TGS1: variants seen among roughly 807,000 people sequenced by gnomAD.
TGS1 encodes trimethylguanosine synthase 1.
In TGS1, 69 loss-of-function variants were observed where a neutral mutation model predicts 92.2. The ratio of observed to expected loss-of-function variants is 0.75; its 90% CI spans 0.62 to 0.91. The LOEUF (loss-of-function observed/expected upper bound fraction) is 0.91, where lower values mean the gene tolerates loss of function less well. Among genes scored for constraint, TGS1 ranks in the 40% least tolerant of loss-of-function variants. TGS1 has a pLI of 0.00. For missense variants in TGS1, 1,062 were observed against 1,001.2 expected (o/e 1.06, Z -0.82); for synonymous variants, 345 against 338.1 (o/e 1.02, Z -0.22).
Position 55,786,423 on chromosome 8 carries a change from A to C in TGS1, c.525A>C (p.Lys175Asn). Residue 175 changes from lysine to asparagine, a missense_variant, in exon 4 of 13, where the codon AAA becomes AAC. Coordinates refer to ENST00000260129, the MANE Select transcript of TGS1 (RefSeq NM_024831.8). The stretch of plus-strand genomic sequence containing the variant: ...GAACATATGAACTTCAAAGCAAAAA[A>C]GATACTGAGACAGAAAATCCTCCAG... ...NTRTYELQSK[K>N]DTETENPPVE... is the part of the protein sequence containing the mutation. 6.2e-7 allele frequency: 1 copy of C among 1,613,484 alleles called. No individual in the cohort carries two copies. Among genetic ancestry groups the C allele is most frequent in the Non-Finnish European group, 8.5e-7 (1 of 1,179,868 alleles).
chr8:55,802,449 T>C lies in TGS1; in HGVS notation c.1850-8T>C, dbSNP rs773768467. On this transcript the variant is annotated splice_polypyrimidine_tract_variant and splice_region_variant and intron_variant, in intron 8 of 12. Transcript: ENST00000260129. The stretch of plus-strand genomic sequence containing the variant: ...GTGAGCATCTATATTCTTTGTATTT[T>C]ATTTTAGCTGAAGTGAAAAAGAAGA... 1.3e-5 allele frequency: 21 copies of C among 1,611,256 alleles called. No individual in the cohort carries two copies. Among genetic ancestry groups the C allele is most frequent in the Non-Finnish European group, 1.8e-5 (21 of 1,178,590 alleles).
Position 55,786,257 on chromosome 8 carries a change from ATAAAGT to A in TGS1, c.364_369del (p.Val122_Lys123del), listed in dbSNP as rs756152885. The A allele has an allele frequency of 7.0e-6, 10 of 1,434,660 alleles. No individual in the cohort carries two copies. In the South Asian group the frequency reaches 9.2e-5, roughly 13 times the overall value. 88.9% of individuals were successfully genotyped at this position (1,434,660 alleles called of 1,614,324 possible). A position where few individuals can be genotyped will look rare whatever the true frequency, so the allele number is the denominator to read the frequency against. On this transcript the variant is annotated inframe_deletion, in exon 4 of 13. Coordinates refer to ENST00000260129, the MANE Select transcript of TGS1 (RefSeq NM_024831.8). ...ATATAGGTATCTATGAATACTAGAA[ATAAAGT>A]TAAAATAAAAAAGAAAAAACATCAA...
At chr8:55,805,366 A>G (rs981996386) in intron 10 of TGS1, among the ~76,000 whole-genome samples, 2 of 152,240 alleles carry the variant, frequency 1.3e-5, no homozygotes, top group Non-Finnish European at 2.9e-5. Flanking sequence ...TAACCTAGAT[A>G]CATCGAAATA....
intron 5 of TGS1, among the ~76,000 whole-genome samples, chr8:55,792,307 A>G (rs969257263): frequency 1.3e-5 from 2 of 152,116 alleles, no homozygotes; most frequent in East Asian, 3.8e-4. Flanking sequence ...TTGTATTGAT[A>G]CTTATCAAAC....
At chr8:55,800,230 C>G (rs964232535) in intron 8 of TGS1, among the ~76,000 whole-genome samples, 12 of 151,954 alleles carry the variant, frequency 7.9e-5, no homozygotes, top group Admixed American at 2.0e-4. Context: ...AAACAGCATA[C>G]CTACAGTAGT....
rs149461987 is a variant in TGS1 at position 55,786,345 on chromosome 8, C to A, written c.447C>A (p.Asp149Glu). ...QESWRKEYEE[D>E]DILASDDPSS... is the part of the protein sequence containing the mutation. ...CTTGGAGAAAAGAATATGAAGAAGA[C>A]GACATTTTGGCTTCAGATGATCCAT... The change falls in exon 4 of 13, where the codon GAC becomes GAA. Residue 149 changes from aspartate (D) to glutamate (E), a missense_variant. Coordinates refer to ENST00000260129, the MANE Select transcript of TGS1 (RefSeq NM_024831.8). The A allele has an allele frequency of 6.2e-7, 1 of 1,612,058 alleles. No homozygotes were observed. Among genetic ancestry groups the A allele is most frequent in the East Asian group, 2.2e-5 (1 of 44,856 alleles).
chr8:55,810,501 A>G (rs1803310006), intron 10 of TGS1, among the ~76,000 whole-genome samples: 1 of 152,222 alleles, frequency 6.6e-6, no homozygotes, highest in Non-Finnish European at 1.5e-5. Context: ...TGTCTTTTCC[A>G]AAACCTAGCA....
intron 11 of TGS1, 71 bp from the exon 12 acceptor site, chr8:55,812,969 A>G: frequency 8.8e-7 from 1 of 1,134,574 alleles, no homozygotes; most frequent in Non-Finnish European, 1.3e-6. Flanking sequence ...GAGTTATGAT[A>G]AGTAAAACAC....
At chr8:55,806,857 G>A (rs1215665463) in intron 10 of TGS1, among the ~76,000 whole-genome samples, 1 of 152,054 alleles carries the variant, frequency 6.6e-6, no homozygotes, top group Admixed American at 6.6e-5. Flanking sequence ...ACAGTGGACA[G>A]GGACTTTGGC....
intron 11 of TGS1, among the ~76,000 whole-genome samples, chr8:55,812,282 C>T (rs1215000171): frequency 6.6e-6 from 1 of 152,068 alleles, no homozygotes; most frequent in African/African-American, 2.4e-5. Context: ...ACTCCTGGCA[C>T]TTTGGGAGGC....
chr8:55,808,814 G>C (rs1292448645), intron 10 of TGS1, among the ~76,000 whole-genome samples: 2 of 151,938 alleles, frequency 1.3e-5, no homozygotes, highest in East Asian at 3.9e-4. Flanking sequence ...CTAGCCTGTA[G>C]TGGGGTCCCA....
rs1157324602 is a variant in TGS1 at position 55,786,774 on chromosome 8, A to C, written c.876A>C (p.Leu292Phe). The C allele has an allele frequency of 1.2e-6, 2 of 1,614,216 alleles. No individual in the cohort carries two copies. The highest frequency in any genetic ancestry group is 8.5e-7 in the Non-Finnish European group (1 of 1,180,050). Residue 292 changes from leucine (L) to phenylalanine (F), a missense_variant, in exon 4 of 13, where the codon TTA becomes TTC. Transcript: ENST00000260129. ...KNDEKCMKVD[L>F]VSFPSSPIMV... ...ATGAAAAATGCATGAAAGTTGACTT[A>C]GTATCTTTTCCATCTTCACCTATTA... is the stretch of plus-strand genomic sequence containing the variant.
chr8:55,774,428 T>C (rs1387300309), intron 1 of TGS1, among the ~76,000 whole-genome samples: 1 of 152,250 alleles, frequency 6.6e-6, no homozygotes, highest in Non-Finnish European at 1.5e-5. Flanking sequence ...TTTTATGTGA[T>C]AGACTTTTAA....
chr8:55,781,682 C>G (rs1325938714), intron 1 of TGS1, among the ~76,000 whole-genome samples: 2 of 152,228 alleles, frequency 1.3e-5, no homozygotes, highest in East Asian at 3.8e-4. Context: ...GCCTGTTCAT[C>G]ATCCTGCTGA....
At chr8:55,816,140 A>T (rs980147353) in intron 12 of TGS1, among the ~76,000 whole-genome samples, 1 of 152,048 alleles carries the variant, frequency 6.6e-6, no homozygotes, top group Non-Finnish European at 1.5e-5. Flanking sequence ...TATCTGCTTG[A>T]TGCCTGTATC....
intron 12 of TGS1, among the ~76,000 whole-genome samples, chr8:55,821,319 T>C (rs1803627451): frequency 6.6e-6 from 1 of 152,320 alleles, no homozygotes; most frequent in East Asian, 1.9e-4. Flanking sequence ...TTCTTGTTTG[T>C]TTTTTGCTAT....
At chr8:55,822,430 A>G (rs1214070039) in intron 12 of TGS1, among the ~76,000 whole-genome samples, 3 of 152,090 alleles carry the variant, frequency 2.0e-5, no homozygotes, top group Admixed American at 6.6e-5. Flanking sequence ...TTTTTAAGTT[A>G]TTTGTTAAAG....
chr8:55,793,909 C>T (rs1039443199), intron 6 of TGS1, among the ~76,000 whole-genome samples: 21 of 151,972 alleles, frequency 1.4e-4, no homozygotes, highest in African/African-American at 4.1e-4. Context: ...TGAGCCACCG[C>T]GCCTCACCAC....
At chr8:55,800,215 A>G (rs983795879) in intron 8 of TGS1, among the ~76,000 whole-genome samples, 6 of 151,844 alleles carry the variant, frequency 4.0e-5, no homozygotes, top group Non-Finnish European at 2.9e-5. Flanking sequence ...ATTTCTTTAC[A>G]TTCTAAACAG....
Sources: allele counts gnomAD v4.1 joint callset (sites outside exome capture counted in the v4.1 genomes callset), GRCh38; gene constraint gnomAD v4.1.1; transcripts MANE v1.5; gene names NCBI Gene and HGNC (gene_info 2026-07-23, HGNC 2026-07-21).